The following P2RY12 variants were observed in gnomAD, a reference collection of about 807,000 sequenced individuals.
P2RY12 encodes P2Y purinoceptor 12.
A neutral mutation model predicts 4.5 loss-of-function variants in P2RY12; 3 were observed. The ratio of observed to expected loss-of-function variants is 0.67; its 90% confidence interval spans 0.31 to 1.74. The LOEUF (loss-of-function observed/expected upper bound fraction) is 1.74. Among genes scored for constraint, P2RY12 ranks in the 40% most tolerant of loss-of-function variants. The pLI is 0.09. For synonymous variants in P2RY12, 148 were observed against 154.1 expected, an observed-to-expected ratio of 0.96 and a Z score of 0.29; for missense variants, 356 against 407.8, an observed-to-expected ratio of 0.87 and a Z score of 1.09.
intron 1 of P2RY12, among the ~76,000 whole-genome samples, chr3:151,353,978 A>G (rs1753578773): frequency 1.4e-5 from 2 of 142,734 alleles, no homozygotes; most frequent in South Asian, 4.6e-4. Context: ...CGTCTCTACT[A>G]AAAATACAAA....
intron 1 of P2RY12, among the ~76,000 whole-genome samples, chr3:151,382,417 T>C (rs561527151): frequency 2.0e-5 from 3 of 152,282 alleles, no homozygotes; most frequent in Non-Finnish European, 4.4e-5. Flanking sequence ...CCAGACTTAA[T>C]CATAGGCTAG....
rs190528109 is a variant in P2RY12 at position 151,343,953 on chromosome 3, T to C, written c.-179-3193A>G. ...CTAAATGTGGTCATTTTGACATTAA[T>C]ATTTTGTTTGAGGGTGTGTATTTTA... is the stretch of plus-strand genomic sequence containing the variant. On this transcript the variant is annotated intron_variant, in intron 1 of 2. Transcript: ENST00000302632. Among the ~76,000 whole-genome samples the C allele has an allele frequency of 9.1e-4, 138 of 152,258 alleles. 2 individuals carry two copies. Among genetic ancestry groups the C allele is most frequent in the Non-Finnish European group, 7.6e-4 (52 of 68,008 alleles).
intron 1 of P2RY12, among the ~76,000 whole-genome samples, chr3:151,348,941 G>T (rs1752904099): frequency 6.6e-6 from 1 of 152,222 alleles, no homozygotes; most frequent in South Asian, 2.1e-4. Flanking sequence ...AGTGCAGTTT[G>T]TTTTCTCTGT....
intron 1 of P2RY12, among the ~76,000 whole-genome samples, chr3:151,354,060 G>A (rs1449515095): frequency 7.1e-6 from 1 of 140,086 alleles, no homozygotes; most frequent in African/African-American, 2.6e-5. Context: ...AGAATGGCGT[G>A]AACCCGGGAG....
At chr3:151,368,707 T>G (rs147921875) in intron 1 of P2RY12, among the ~76,000 whole-genome samples, 7,401 of 64,758 alleles carry the variant, frequency 0.11, 987 homozygotes, top group African/African-American at 0.42. Context: ...TTCATTTCAT[T>G]TCATTTCATT....
At chr3:151,355,654 T>C (rs1380713407) in intron 1 of P2RY12, among the ~76,000 whole-genome samples, 1 of 152,236 alleles carries the variant, frequency 6.6e-6, no homozygotes, top group Non-Finnish European at 1.5e-5. Flanking sequence ...GTAGTTGTTC[T>C]ACCATTAGAA....
chr3:151,360,654 T>G (rs1754494796), intron 1 of P2RY12: 1 of 1,525,598 alleles, frequency 6.6e-7, no homozygotes, highest in Non-Finnish European at 8.9e-7. Context: ...TGCCTATGTT[T>G]GTTAGTGACC....
chr3:151,337,824 G>A lies in P2RY12; in HGVS notation c.1022C>T (p.Pro341Leu). Residue 341 changes from proline to leucine, a missense_variant, in exon 3 of 3, where the codon CCA becomes CTA. Transcript: ENST00000302632. Reference protein sequence around the residue: ...QDGGDPNEETPM With the variant: ...QDGGDPNEETLM ...TTTCCTTAGTTAATTTGTTTACATT[G>A]GAGTCTCTTCATTTGGGTCACCACC... 1.2e-6 allele frequency: 2 copies of A among 1,613,596 alleles called. No individual in the cohort carries two copies. Among genetic ancestry groups the A allele is most frequent in the Non-Finnish European group, 8.5e-7 (1 of 1,179,694 alleles).
chr3:151,369,836 T>G (rs1755965160), intron 1 of P2RY12, among the ~76,000 whole-genome samples: 1 of 152,146 alleles, frequency 6.6e-6, no homozygotes, highest in Non-Finnish European at 1.5e-5. Context: ...CCCACAGGGT[T>G]GTTTTGCCTT....
chr3:151,354,659 C>G (rs1398342100), intron 1 of P2RY12, among the ~76,000 whole-genome samples: 1 of 152,104 alleles, frequency 6.6e-6, no homozygotes, highest in Admixed American at 6.5e-5. Flanking sequence ...AATCTGGAAA[C>G]TACTCACTAG....
intron 1 of P2RY12, among the ~76,000 whole-genome samples, chr3:151,369,849 C>T (rs7634096): frequency 0.27 from 40,443 of 151,968 alleles, 6,365 homozygotes; most frequent in African/African-American, 0.44. Context: ...TTTGCCTTCT[C>T]TGGTGGCAGA....
rs1429838461 is a variant in P2RY12, at chr3:151,338,696, GA to G, written c.149del (p.Phe50SerfsTer24). 1 of 1,613,422 alleles carries G rather than the reference GA, an allele frequency of 6.2e-7. No homozygotes were observed. Among genetic ancestry groups the G allele is most frequent in the African/African-American group, 1.3e-5 (1 of 74,816 alleles). On this transcript the variant is annotated frameshift_variant, in exon 3 of 3. Transcript: ENST00000302632. LOFTEE classifies it high-confidence loss of function. Reference protein sequence around the residue: ...LITNGLAMRIFFQIRSKSNFI... With the variant: ...LITNGLAMRIXFQIRSKSNFI... ...AGTTTGATTTACTCCGGATTTGAAA[GA>G]AAATCCTCATCGCCAGGCCATTTGT...
chr3:151,384,671 A>G (rs1713017334), intron 1 of P2RY12, 21 bp downstream of exon 1: 1 of 200,932 alleles, frequency 5.0e-6, no homozygotes. Flanking sequence ...TGCATTACCA[A>G]TCAAATAAAT....
chr3:151,365,558 C>T (rs1415530289), intron 1 of P2RY12, among the ~76,000 whole-genome samples: 1 of 152,044 alleles, frequency 6.6e-6, no homozygotes, highest in Non-Finnish European at 1.5e-5. Context: ...TTTTTTGATG[C>T]CCTTAAAAAT....
intron 1 of P2RY12, among the ~76,000 whole-genome samples, chr3:151,357,936 G>T (rs554725474): frequency 2.0e-5 from 3 of 152,140 alleles, no homozygotes; most frequent in Non-Finnish European, 4.4e-5. Context: ...AAAGACTGAG[G>T]CTAAGGCACC....
intron 1 of P2RY12, among the ~76,000 whole-genome samples, chr3:151,363,806 T>A (rs1754930664): frequency 6.6e-6 from 1 of 152,118 alleles, no homozygotes; most frequent in Non-Finnish European, 1.5e-5. Context: ...GATTCTATAT[T>A]TTTAACAAAC....
At chr3:151,341,317 A>G (rs1014039457) in intron 1 of P2RY12, among the ~76,000 whole-genome samples, 3 of 152,124 alleles carry the variant, frequency 2.0e-5, no homozygotes, top group African/African-American at 7.2e-5. Flanking sequence ...CCAAAATTAC[A>G]TTAGAGAAGT....
chr3:151,377,175 T>C (rs1466524285), intron 1 of P2RY12: 1 of 1,605,250 alleles, frequency 6.2e-7, no homozygotes, highest in Admixed American at 1.7e-5. Context: ...AAGACATTCC[T>C]AAGGTATTTT....
intron 1 of P2RY12, among the ~76,000 whole-genome samples, chr3:151,363,917 G>A (rs752828620): frequency 1.3e-5 from 2 of 152,094 alleles, no homozygotes; most frequent in African/African-American, 2.4e-5. Flanking sequence ...AGTGGCAATA[G>A]TTTAGAATAG....
Sources: gnomAD v4.1 joint callset for allele counts (sites outside exome capture counted in the v4.1 genomes callset) on GRCh38, gnomAD v4.1.1 for gene constraint, MANE v1.5 for transcripts, NCBI Gene and HGNC (gene_info 2026-07-23, HGNC 2026-07-21) for gene names.